The following EPHB2 variants were observed in gnomAD, a reference collection of about 807,000 sequenced individuals.
The protein encoded by EPHB2 is EPH receptor B2.
EPHB2 carries 18 observed loss-of-function variants against 96.4 expected under a neutral mutation model. That is an observed-to-expected ratio of 0.19 (90% CI 0.13 to 0.28). The LOEUF (loss-of-function observed/expected upper bound fraction) is 0.28. Ranked by LOEUF, EPHB2 falls within the 10% of genes least tolerant of loss-of-function variation. The pLI is 1.00. For synonymous variants in EPHB2, 506 were observed against 534.1 expected (o/e 0.95, Z 0.72); for missense variants, 989 against 1,355.4 (o/e 0.73, Z 4.25).
chr1:22,889,309 C>G (rs1639321304), intron 6 of EPHB2, among the ~76,000 whole-genome samples: 1 of 152,192 alleles, frequency 6.6e-6, no homozygotes, highest in African/African-American at 2.4e-5. Flanking sequence ...CTCACATAAT[C>G]AGGGGCTTAA....
chr1:22,717,866 G>A (rs1279638385), intron 1 of EPHB2, among the ~76,000 whole-genome samples: 1 of 152,096 alleles, frequency 6.6e-6, no homozygotes. Context: ...GCTCCGTACT[G>A]TGTGTCCTCT....
Position 22,919,971 on chromosome 1 carries a change from TA to T in EPHB2, c.*6405del, listed in dbSNP as rs1422078566. 6.6e-6 allele frequency: 1 copy of T among 151,680 alleles called. No homozygotes were observed. The highest frequency in any genetic ancestry group is 2.4e-5 in the African/African-American group (1 of 41,290). 9.4% of individuals were successfully genotyped at this position (151,680 alleles called of 1,614,324 possible). A position where few individuals can be genotyped will look rare whatever the true frequency, so the allele number is the denominator to read the frequency against. On this transcript the variant is annotated 3_prime_UTR_variant, in exon 16 of 16. Transcript: ENST00000374630. Reference sequence around the variant, plus strand: ...AGACCTGTGGGCCCTAGCATTTTTTTAAAAGCACAAAAAAAAAAGAGCAAGA... The same window carrying T: ...AGACCTGTGGGCCCTAGCATTTTTTTAAAGCACAAAAAAAAAAGAGCAAGA...
chr1:22,783,439 GAC>G (rs1644563180), intron 2 of EPHB2, among the ~76,000 whole-genome samples: 1 of 152,210 alleles, frequency 6.6e-6, no homozygotes. Context: ...CAGTCCCACT[GAC>G]ACTGGCCCAA....
intron 1 of EPHB2, among the ~76,000 whole-genome samples, chr1:22,711,433 G>A (rs868703960): frequency 1.3e-5 from 2 of 148,880 alleles, no homozygotes; most frequent in African/African-American, 2.5e-5. Context: ...GGGGGCGGGG[G>A]GGGCGCCGGC....
chr1:22,896,372 G>A (rs752917674), intron 8 of EPHB2, 42 bp from the exon 9 acceptor site: 17 of 1,613,770 alleles, frequency 1.1e-5, no homozygotes, highest in Non-Finnish European at 1.4e-5. Context: ...AGCTCCCTGG[G>A]CGCCTTCAGG....
chr1:22,850,243 G>A (rs1206557756), intron 3 of EPHB2, among the ~76,000 whole-genome samples: 2 of 152,206 alleles, frequency 1.3e-5, no homozygotes, highest in Non-Finnish European at 2.9e-5. Context: ...GGGGTGGCCA[G>A]TACCAGACAC....
chr1:22,754,861 G>A (rs1160767609), intron 1 of EPHB2, among the ~76,000 whole-genome samples: 3 of 131,866 alleles, frequency 2.3e-5, no homozygotes, highest in South Asian at 2.6e-4. Flanking sequence ...GACAGGTGAG[G>A]TGAGGCAAGG....
intron 3 of EPHB2, among the ~76,000 whole-genome samples, chr1:22,802,097 G>A (rs951905272): frequency 2.6e-5 from 4 of 152,126 alleles, no homozygotes; most frequent in African/African-American, 4.8e-5. Context: ...TGAATGTCAC[G>A]TCCAGGCAGA....
chr1:22,749,737 G>T (rs944433410), intron 1 of EPHB2, among the ~76,000 whole-genome samples: 44 of 152,192 alleles, frequency 2.9e-4, no homozygotes, highest in African/African-American at 7.9e-4. Context: ...TCATTCATTC[G>T]TTCATTCATT....
chr1:22,883,162 T>G (rs1287086266), intron 6 of EPHB2, among the ~76,000 whole-genome samples: 1 of 152,116 alleles, frequency 6.6e-6, no homozygotes, highest in Non-Finnish European at 1.5e-5. Context: ...CTGTGTCGAG[T>G]GTGGGTGAGA....
intron 1 of EPHB2, among the ~76,000 whole-genome samples, chr1:22,780,078 C>T (rs142730528): frequency 3.3e-5 from 5 of 152,310 alleles, no homozygotes; most frequent in East Asian, 3.9e-4. Flanking sequence ...CCCAGTGCAG[C>T]GCCTGGTACA....
At chr1:22,742,469 C>G (rs1643915959) in intron 1 of EPHB2, among the ~76,000 whole-genome samples, 2 of 152,154 alleles carry the variant, frequency 1.3e-5, no homozygotes, top group African/African-American at 4.8e-5. Flanking sequence ...ACATTCCAGC[C>G]AGACTTCCTT....
intron 3 of EPHB2, among the ~76,000 whole-genome samples, chr1:22,804,356 C>A (rs1174943626): frequency 6.6e-6 from 1 of 152,122 alleles, no homozygotes. Context: ...AGGAAAAAAT[C>A]TGCACCACCC....
At position 22,784,504 on chromosome 1, in the gene EPHB2, G is replaced by A. The variant is rs181872637; in HGVS notation, c.239G>A (p.Arg80His). ...TGGCTACGGACCAAGTTTATCCGGC[G>A]CCGTGGCGCCCACCGCATCCACGTG... ...NNWLRTKFIRRRGAHRIHVEM... is the reference protein window; with the variant it reads ...NNWLRTKFIRHRGAHRIHVEM... The change falls in exon 3 of 16, where the codon CGC becomes CAC. Residue 80 changes from arginine to histidine, a missense_variant. By Grantham distance (29) the Arg-to-His change is conservative. Coordinates refer to ENST00000374630, the MANE Select transcript of EPHB2 (RefSeq NM_017449.5). The surrounding 1 kb of genome is among the most constrained non-coding windows in gnomAD (Gnocchi z 5.1). 1,012 of 1,613,714 alleles carry A rather than the reference G, an allele frequency of 6.3e-4. 7 individuals carry two copies. Among genetic ancestry groups the A allele is most frequent in the Non-Finnish European group, 1.3e-4 (154 of 1,179,614 alleles).
intron 6 of EPHB2, among the ~76,000 whole-genome samples, chr1:22,886,326 C>A (rs1357078000): frequency 6.6e-6 from 1 of 152,122 alleles, no homozygotes; most frequent in Non-Finnish European, 1.5e-5. Flanking sequence ...GAAGCAGAAG[C>A]GGGAGCATCA....
At chr1:22,713,555 G>T (rs1447888724) in intron 1 of EPHB2, among the ~76,000 whole-genome samples, 1 of 152,166 alleles carries the variant, frequency 6.6e-6, no homozygotes, top group Non-Finnish European at 1.5e-5. Flanking sequence ...GCCAGGGATG[G>T]ACGGTGCTGC....
chr1:22,882,463 G>A lies in EPHB2; in HGVS notation c.1408G>A (p.Glu470Lys), dbSNP rs1639081152. Residue 470 changes from glutamate (E) to lysine (K), a missense_variant, in exon 6 of 16, where the codon GAG becomes AAG. Glu to Lys is a moderately conservative substitution (Grantham distance 56). Transcript: ENST00000374630. ...DQPNGVILDYELQYYEKELSE... is the reference protein window; with the variant it reads ...DQPNGVILDYKLQYYEKELSE... Reference sequence around the variant, plus strand: ...GCCCAATGGCGTGATCCTGGACTATGAGCTGCAGTACTATGAGAAGGTACC... The same window carrying A: ...GCCCAATGGCGTGATCCTGGACTATAAGCTGCAGTACTATGAGAAGGTACC... The A allele has an allele frequency of 6.2e-7, 1 of 1,614,038 alleles. No homozygotes were observed. The highest frequency in any genetic ancestry group is 8.5e-7 in the Non-Finnish European group (1 of 1,180,008).
chr1:22,909,538 T>C (rs1640025302), intron 13 of EPHB2, among the ~76,000 whole-genome samples: 1 of 152,160 alleles, frequency 6.6e-6, no homozygotes, highest in Non-Finnish European at 1.5e-5. Flanking sequence ...GCTTTTACGA[T>C]CAGGTGCTAA....
At chr1:22,910,235 C>G in intron 13 of EPHB2, 147 bp from the exon 14 acceptor site, 3 of 1,004,858 alleles carry the variant, frequency 3.0e-6, no homozygotes, top group Non-Finnish European at 1.5e-6. Flanking sequence ...CATCCCATCC[C>G]TGGGGCTGCC....
Sources: allele counts gnomAD v4.1 joint callset (sites outside exome capture counted in the v4.1 genomes callset), GRCh38; gene constraint gnomAD v4.1.1; non-coding constraint Gnocchi (gnomAD v3.1); transcripts MANE v1.5; gene names NCBI Gene and HGNC (gene_info 2026-07-23, HGNC 2026-07-21).